PRRC2C: variants seen among roughly 807,000 people sequenced by gnomAD.
PRRC2C encodes proline rich coiled-coil 2C.
Under a neutral mutation model 317.2 loss-of-function variants are expected in PRRC2C, and 72 were observed. The ratio of observed to expected loss-of-function variants is 0.23; its 90% CI spans 0.19 to 0.28. PRRC2C has a LOEUF of 0.28. PRRC2C is among the 10% of genes least tolerant of loss of function. PRRC2C has a pLI of 1.00. For missense variants in PRRC2C, 3,074 were observed against 3,459.7 expected (o/e 0.89, Z 2.80); for synonymous variants, 1,296 against 1,205.9 (o/e 1.07, Z -1.55).
intron 11 of PRRC2C, among the ~76,000 whole-genome samples, chr1:171,530,719 T>G (rs1675685341): frequency 6.6e-6 from 1 of 152,178 alleles, no homozygotes; most frequent in African/African-American, 2.4e-5. Flanking sequence ...CCACTGAGAT[T>G]TTACTGCACT....
intron 18 of PRRC2C, among the ~76,000 whole-genome samples, chr1:171,555,503 G>A (rs545665298): frequency 1.3e-5 from 2 of 152,246 alleles, no homozygotes; most frequent in Admixed American, 6.5e-5. Flanking sequence ...GCTTTGTTCC[G>A]TTGCTGGCGA....
rs766865810 is a variant in PRRC2C, at chr1:171,575,008, A to G, written c.6835A>G (p.Ile2279Val). The G allele has an allele frequency of 3.6e-5, 58 of 1,613,686 alleles. No individual in the cohort carries two copies. Among genetic ancestry groups the G allele is most frequent in the Admixed American group, 5.0e-5 (3 of 59,984 alleles). Residue 2279 changes from isoleucine to valine, a missense_variant, in exon 25 of 35, where the codon ATT (isoleucine) becomes GTT (valine). By Grantham distance (29) the Ile-to-Val change is conservative. Coordinates refer to ENST00000647382, the MANE Select transcript of PRRC2C (RefSeq NM_001387844.1). Reference protein sequence around the residue: ...GSPVTSTAPPIATGVSSSASG... With the variant: ...GSPVTSTAPPVATGVSSSASG... ...TCCAGTAACTTCCACAGCACCTCCA[A>G]TTGCAACTGGAGTCAGCAGTAGTGC...
chr1:171,578,502 C>G (rs1049506948), intron 26 of PRRC2C, among the ~76,000 whole-genome samples: 1 of 151,822 alleles, frequency 6.6e-6, no homozygotes, highest in Non-Finnish European at 1.5e-5. Context: ...CCACTGCACT[C>G]CAGCCTGGCG....
intron 30 of PRRC2C, among the ~76,000 whole-genome samples, chr1:171,584,777 T>C (rs1179646640): frequency 6.6e-6 from 1 of 152,062 alleles, no homozygotes; most frequent in African/African-American, 2.4e-5. Context: ...AGGTTTTTTG[T>C]TGGTTTAGGG....
At chr1:171,518,506 T>TCAA (rs1672879589) in intron 6 of PRRC2C, among the ~76,000 whole-genome samples, 1 of 138,382 alleles carries the variant, frequency 7.2e-6, no homozygotes, top group Non-Finnish European at 1.6e-5. Context: ...TTTTTTTTTT[T>TCAA]TTTTTTTTGG....
In PRRC2C at chr1:171,541,323, G is replaced by A. The variant is rs1677900132; in HGVS notation, c.3857G>A (p.Gly1286Asp). Residue 1286 changes from glycine to aspartate, a missense_variant, in exon 16 of 35, where the codon GGC becomes GAC. Transcript: ENST00000647382. This position sits in a 1 kb window ranked among gnomAD's most constrained non-coding sequence, Gnocchi z 4.1. ...SASDKDSLSK[G>D]KLPKREERPE... Reference sequence around the variant, plus strand: ...AGTGACAAGGACAGTTTAAGTAAAGGCAAACTTCCCAAAAGAGAGGAACGG... The same window carrying A: ...AGTGACAAGGACAGTTTAAGTAAAGACAAACTTCCCAAAAGAGAGGAACGG... 4 of 1,613,636 alleles carry A rather than the reference G, an allele frequency of 2.5e-6. No individual in the cohort carries two copies. Among genetic ancestry groups the A allele is most frequent in the East Asian group, 4.5e-5 (2 of 44,882 alleles).
At position 171,536,294 on chromosome 1, in the gene PRRC2C, A is replaced by C; in HGVS notation, c.2293+16A>C. 6.2e-7 allele frequency: 1 copy of C among 1,609,756 alleles called. No homozygotes were observed. The highest frequency in any genetic ancestry group is 2.2e-5 in the East Asian group (1 of 44,816). On this transcript the variant is annotated intron_variant, in intron 14 of 34. Coordinates refer to ENST00000647382, the MANE Select transcript of PRRC2C (RefSeq NM_001387844.1). The stretch of plus-strand genomic sequence containing the variant: ...ATTCATCCTGGTCAGTTGAATTTGC[A>C]TTTATAGTTTTACAGGATCAAAATT...
chr1:171,498,089 A>G (rs1305226463), intron 1 of PRRC2C, among the ~76,000 whole-genome samples: 1 of 150,716 alleles, frequency 6.6e-6, no homozygotes, highest in Non-Finnish European at 1.5e-5. Flanking sequence ...GGCTTCCGAA[A>G]TTCCTGGAAT....
At chr1:171,573,967 G>T (rs1356487187) in intron 24 of PRRC2C, among the ~76,000 whole-genome samples, 2 of 151,718 alleles carry the variant, frequency 1.3e-5, no homozygotes, top group Non-Finnish European at 2.9e-5. Context: ...GTGAGCCACC[G>T]CACCCGGCCT....
intron 20 of PRRC2C, among the ~76,000 whole-genome samples, chr1:171,564,904 G>T (rs762600045): frequency 5.9e-5 from 9 of 152,102 alleles, no homozygotes; most frequent in African/African-American, 1.9e-4. Context: ...AATTGCATGC[G>T]TTGTTCATAC....
intron 34 of PRRC2C, among the ~76,000 whole-genome samples, chr1:171,589,975 TTTTC>T (rs1159487164): frequency 1.9e-4 from 21 of 110,630 alleles, no homozygotes; most frequent in Admixed American, 1.1e-3. Context: ...GACTTCCCCA[TTTTC>T]TTTCTTTTTT....
intron 17 of PRRC2C, among the ~76,000 whole-genome samples, chr1:171,548,764 T>C (rs1308603131): frequency 6.6e-6 from 1 of 152,212 alleles, no homozygotes; most frequent in Admixed American, 6.5e-5. Flanking sequence ...TGATCTTGAG[T>C]TGTTCATCAC....
intron 34 of PRRC2C, chr1:171,591,225 C>A (rs963594117): frequency 9.9e-7 from 1 of 1,010,824 alleles, no homozygotes; most frequent in Non-Finnish European, 1.2e-6. Flanking sequence ...AATATAAGTG[C>A]TTCCTTTTCA....
At chr1:171,546,551 C>G (rs1193388593) in intron 17 of PRRC2C, among the ~76,000 whole-genome samples, 1 of 152,178 alleles carries the variant, frequency 6.6e-6, no homozygotes, top group Non-Finnish European at 1.5e-5. Flanking sequence ...GTCCCCACAT[C>G]ATCAGCATTA....
chr1:171,514,124 G>A (rs1470906970), intron 3 of PRRC2C, among the ~76,000 whole-genome samples: 1 of 152,168 alleles, frequency 6.6e-6, no homozygotes, highest in East Asian at 1.9e-4. Flanking sequence ...GCCAGGTGGG[G>A]AGTTTGCTTA....
intron 19 of PRRC2C, among the ~76,000 whole-genome samples, chr1:171,558,534 T>C (rs1681901442): frequency 1.3e-5 from 2 of 152,232 alleles, no homozygotes; most frequent in Non-Finnish European, 2.9e-5. Flanking sequence ...ATTTTGGTCA[T>C]TCTTGCAATA....
Position 171,496,199 on chromosome 1 carries a change from CTTTTTTTTT to C in PRRC2C, c.-58+10480_-58+10488del, listed in dbSNP as rs528654548. 9.6e-3 allele frequency among the ~76,000 whole-genome samples: 725 copies of C among 75,686 alleles called. 7 individuals are homozygous for C. The highest frequency in any genetic ancestry group is 0.067 in the Middle Eastern group (7 of 104). The allele number at this position is 75,686 out of a possible 152,430, so 49.7% of individuals were successfully genotyped here. ...ATTTTTAGAGCTTTGATTTTTGTGC[CTTTTTTTTT>C]TTTTTTTTTTTTTTTGCAGGGTCTC... On this transcript the variant is annotated intron_variant, in intron 1 of 34. Transcript: ENST00000647382.
At chr1:171,502,974 TG>T in intron 1 of PRRC2C, among the ~76,000 whole-genome samples, 1 of 152,246 alleles carries the variant, frequency 6.6e-6, no homozygotes, top group Admixed American at 6.5e-5. Flanking sequence ...TCGCCTGCCT[TG>T]GCCTCCCAAA....
chr1:171,591,373 GT>G (rs35289979), intron 34 of PRRC2C: 4,374 of 266,948 alleles, frequency 0.016, 2 homozygotes, highest in South Asian at 0.035. Context: ...TGGTCCTGTG[GT>G]TTTTTTTTTT....
Sources: allele counts gnomAD v4.1 joint callset (sites outside exome capture counted in the v4.1 genomes callset), GRCh38; gene constraint gnomAD v4.1.1; non-coding constraint Gnocchi (gnomAD v3.1); transcripts MANE v1.5; gene names NCBI Gene and HGNC (gene_info 2026-07-23, HGNC 2026-07-21).